Variants in CELF2 observed in about 807,000 individuals in gnomAD.
The protein encoded by CELF2 is CUG triplet repeat RNA-binding protein 2.
Under a neutral mutation model 62.6 loss-of-function variants are expected in CELF2, and 8 were observed. The ratio of observed to expected loss-of-function variants is 0.13; its 90% CI spans 0.07 to 0.23. The LOEUF is 0.23. Ranked by LOEUF, CELF2 falls within the 10% of genes least tolerant of loss-of-function variation. The pLI, the probability that CELF2 is intolerant of heterozygous loss-of-function variation, is 1.00. For synonymous variants in CELF2, 258 were observed against 250.0 expected, an observed-to-expected ratio of 1.03 and a Z score of -0.30; for missense variants, 333 against 671.0, an observed-to-expected ratio of 0.50 and a Z score of 5.56.
rs532138458 is a variant in CELF2, at chr10:11,026,397, G to C, written c.74+8234G>C. On this transcript the variant is annotated intron_variant, in intron 1 of 12. Transcript: ENST00000633077. ...CCGCCTCCCCCGCCACACACACCCA[G>C]GTGTTTTCTCTTTGGAACTCGGGGG... 6.6e-5 allele frequency among the ~76,000 whole-genome samples: 10 copies of C among 152,284 alleles called. No homozygotes were observed. In the South Asian group the frequency reaches 1.9e-3, roughly 28 times the overall value.
chr10:10,961,732 C>T (rs2049525815), intron 2 of CELF2, among the ~76,000 whole-genome samples: 1 of 148,646 alleles, frequency 6.7e-6, no homozygotes, highest in African/African-American at 2.5e-5. Context: ...CCCTGAGCAA[C>T]AGAGCAAGAC....
intron 2 of CELF2, among the ~76,000 whole-genome samples, chr10:10,979,079 A>C (rs1349685401): frequency 1.3e-5 from 2 of 152,126 alleles, no homozygotes; most frequent in Non-Finnish European, 2.9e-5. Flanking sequence ...CCTGCCTCTC[A>C]TTCTCTGCCC....
chr10:10,488,768 T>G, the CELF2 span, among the ~76,000 whole-genome samples: 1 of 152,112 alleles, frequency 6.6e-6, no homozygotes, highest in Non-Finnish European at 1.5e-5. Context: ...TAATTTGACA[T>G]AGCAAATTAA....
At chr10:11,264,033 G>A (rs1448861512) in intron 5 of CELF2, among the ~76,000 whole-genome samples, 12 of 152,182 alleles carry the variant, frequency 7.9e-5, no homozygotes, top group Non-Finnish European at 5.9e-5. Context: ...CCCCTAAGGA[G>A]ACAGCTTCTG....
At chr10:10,600,262 A>T in the CELF2 span, among the ~76,000 whole-genome samples, 1 of 152,112 alleles carries the variant, frequency 6.6e-6, no homozygotes, top group Non-Finnish European at 1.5e-5. Flanking sequence ...TTGAAAAGAG[A>T]TGTTTTCTTG....
chr10:10,697,388 G>A, the CELF2 span, among the ~76,000 whole-genome samples: 1 of 152,176 alleles, frequency 6.6e-6, no homozygotes, highest in Non-Finnish European at 1.5e-5. Context: ...CTCATGAAGT[G>A]GGCACTGCAG....
rs1272646793 is a variant in CELF2 at position 11,260,911 on chromosome 10, G to A, written c.538+3039G>A. 6.6e-6 allele frequency among the ~76,000 whole-genome samples: 1 copy of A among 152,120 alleles called. No homozygotes were observed. Among genetic ancestry groups the A allele is most frequent in the African/African-American group, 2.4e-5 (1 of 41,416 alleles). On this transcript the variant is annotated intron_variant, in intron 5 of 12. Coordinates refer to ENST00000633077, the MANE Select transcript of CELF2 (RefSeq NM_001326342.2). This position sits in a 1 kb window ranked among gnomAD's most constrained non-coding sequence, Gnocchi z 4.2. ...ATTTTGCTTTCATTAAAGAATTGCA[G>A]TTTTGAATCAAATATTAATGTGTCT...
Position 11,321,130 on chromosome 10 carries a change from T to C in CELF2, c.1097-59T>C, listed in dbSNP as rs1591511164. The C allele has an allele frequency of 7.1e-6, 11 of 1,553,352 alleles. No homozygotes were observed. Among genetic ancestry groups the C allele is most frequent in the Non-Finnish European group, 9.8e-6 (11 of 1,125,956 alleles). On this transcript the variant is annotated intron_variant, in intron 10 of 12. Coordinates refer to ENST00000633077, the MANE Select transcript of CELF2 (RefSeq NM_001326342.2). The surrounding 1 kb of genome is among the most constrained non-coding windows in gnomAD (Gnocchi z 6.2). ...GTTTAAATGATTCTCTAACTTCCTT[T>C]GGAAAGCACTAATGAATAAGTGCTG...
the CELF2 span, among the ~76,000 whole-genome samples, chr10:10,632,647 ATCT>A: frequency 2.6e-5 from 4 of 152,060 alleles, no homozygotes; most frequent in Middle Eastern, 3.4e-3. Flanking sequence ...ACATCTCAAA[ATCT>A]TCTTTTTGTT....
chr10:10,992,181 A>T lies in CELF2; in HGVS notation c.89+72182A>T, dbSNP rs75661615. 5.3e-5 allele frequency among the ~76,000 whole-genome samples: 8 copies of T among 152,340 alleles called. No individual in the cohort carries two copies. In the East Asian group the frequency reaches 1.5e-3, roughly 29 times the overall value. On this transcript the variant is annotated intron_variant, in intron 2 of 13. Coordinates refer to the CELF2 transcript ENST00000636488. Reference sequence around the variant, plus strand: ...TTTGCAGAAATAAATGTTTATTCTTACACTTATGAATCTACAGATCAACAA... The same window carrying T: ...TTTGCAGAAATAAATGTTTATTCTTTCACTTATGAATCTACAGATCAACAA...
chr10:10,712,272 CTT>C, the CELF2 span, among the ~76,000 whole-genome samples: 16 of 151,546 alleles, frequency 1.1e-4, no homozygotes, highest in Non-Finnish European at 2.4e-4. Flanking sequence ...ATCAGAGAAG[CTT>C]TGGCTCCTCA....
At chr10:10,911,153 T>G (rs2063777145) in intron 1 of CELF2, among the ~76,000 whole-genome samples, 1 of 152,138 alleles carries the variant, frequency 6.6e-6, no homozygotes, top group African/African-American at 2.4e-5. Flanking sequence ...ACATAAGCCC[T>G]TCCCACTATC....
chr10:11,036,729 C>T (rs937355896), intron 1 of CELF2, among the ~76,000 whole-genome samples: 3 of 152,294 alleles, frequency 2.0e-5, no homozygotes, highest in South Asian at 2.1e-4. Context: ...GCTGAGAGCC[C>T]GCTGGGGGTT....
chr10:10,507,661 A>G, the CELF2 span, among the ~76,000 whole-genome samples: 8 of 152,208 alleles, frequency 5.3e-5, no homozygotes, highest in Non-Finnish European at 1.0e-4. Context: ...CTGAGAGACC[A>G]GGATGGAAAG....
intron 2 of CELF2, among the ~76,000 whole-genome samples, chr10:11,193,849 T>C (rs1260087583): frequency 6.6e-6 from 1 of 152,180 alleles, no homozygotes; most frequent in African/African-American, 2.4e-5. Flanking sequence ...TGTTTATAGA[T>C]TTATGAAGTA....
At chr10:10,620,052 G>A in the CELF2 span, among the ~76,000 whole-genome samples, 1 of 152,028 alleles carries the variant, frequency 6.6e-6, no homozygotes, top group South Asian at 2.1e-4. Context: ...GGAGATGAAA[G>A]GAAATGAATT....
upstream of CELF2, among the ~76,000 whole-genome samples, chr10:11,000,901 G>T (rs1484874436): frequency 6.6e-6 from 1 of 152,128 alleles, no homozygotes; most frequent in East Asian, 1.9e-4. Context: ...TGCTGCCCTG[G>T]GCTCCCCCAC....
the CELF2 span, among the ~76,000 whole-genome samples, chr10:10,508,428 C>A: frequency 6.6e-6 from 1 of 152,292 alleles, no homozygotes; most frequent in East Asian, 1.9e-4. Context: ...TATTTGCTTC[C>A]TCAAATCCTT....
the CELF2 span, among the ~76,000 whole-genome samples, chr10:10,529,892 G>A: frequency 6.6e-6 from 1 of 152,100 alleles, no homozygotes; most frequent in Non-Finnish European, 1.5e-5. Context: ...CCATCTTTAG[G>A]CTGTGGCTTA....
Sources: allele counts gnomAD v4.1 joint callset (sites outside exome capture counted in the v4.1 genomes callset), GRCh38; gene constraint gnomAD v4.1.1; non-coding constraint Gnocchi (gnomAD v3.1); transcripts MANE v1.5; gene names NCBI Gene and HGNC (gene_info 2026-07-23, HGNC 2026-07-21).